The following APOO variants were observed in gnomAD, a reference collection of about 807,000 sequenced individuals.
APOO encodes the protein apolipoprotein O.
A neutral mutation model predicts 23.1 loss-of-function variants in APOO; 11 were observed. The ratio of observed to expected loss-of-function variants is 0.48; its 90% CI spans 0.30 to 0.79. The LOEUF (loss-of-function observed/expected upper bound fraction) is 0.79. Ranked by LOEUF, APOO falls within the 30% of genes least tolerant of loss-of-function variation. The pLI, the probability that APOO is intolerant of heterozygous loss-of-function variation, is 0.07. For missense variants in APOO, 160 were observed against 142.7 expected, an observed-to-expected ratio of 1.12 and a Z score of -0.62; for synonymous variants, 59 against 54.8, an observed-to-expected ratio of 1.08 and a Z score of -0.34.
chrX:23,852,974 A>C (rs1477435094), intron 7 of APOO, among the ~76,000 whole-genome samples: 1 of 109,717 alleles, frequency 9.1e-6, no homozygotes, highest in Non-Finnish European at 1.9e-5. Context: ...AAACAAAAAC[A>C]AGGCCGGGCG....
In APOO at chrX:23,889,810, A is replaced by C. The variant is rs5925959; in HGVS notation, c.10-8858T>G. ...CCTGGTAGCTGGGACTACAGGCACC[A>C]GCCACCACGCCTGGCTAATTTTTTG... On this transcript the variant is annotated intron_variant, in intron 1 of 8. Coordinates refer to ENST00000379226, the MANE Select transcript of APOO (RefSeq NM_024122.5). 1.1e-3 allele frequency among the ~76,000 whole-genome samples: 118 copies of C among 108,777 alleles called. 1 individual carries two copies. The highest frequency in any genetic ancestry group is 3.5e-3 in the East Asian group (12 of 3,421). The allele number at this position is 108,777 out of a possible 115,157, so 94.5% of individuals were successfully genotyped here. A position where few individuals can be genotyped will look rare whatever the true frequency, so the allele number is the denominator to read the frequency against.
intron 1 of APOO, among the ~76,000 whole-genome samples, chrX:23,892,675 G>A (rs983898188): frequency 2.8e-5 from 3 of 107,322 alleles, no homozygotes; most frequent in African/African-American, 1.0e-4. Flanking sequence ...GGCAGAGGCA[G>A]GAGAATGGCG....
chrX:23,907,824 G>T lies in APOO; in HGVS notation c.-122C>A. On this transcript the variant is annotated 5_prime_UTR_variant, in exon 1 of 9. Transcript: ENST00000379226. Reference sequence around the variant, plus strand: ...CCAACCGCAAGCAGGCAGCGGTGCGGGTGACGGCCGTACTGCAAACTCGGT... The same window carrying T: ...CCAACCGCAAGCAGGCAGCGGTGCGTGTGACGGCCGTACTGCAAACTCGGT... 1 of 819,719 alleles carries T rather than the reference G, an allele frequency of 1.2e-6. No individual in the cohort carries two copies. Among genetic ancestry groups the T allele is most frequent in the Non-Finnish European group, 1.7e-6 (1 of 598,223 alleles). 67.6% of individuals were successfully genotyped at this position (819,719 alleles called of 1,213,427 possible).
intron 7 of APOO, among the ~76,000 whole-genome samples, chrX:23,847,017 C>T (rs1227646594): frequency 9.1e-6 from 1 of 109,358 alleles, no homozygotes; most frequent in Non-Finnish European, 1.9e-5. Context: ...GGACAAATGA[C>T]CCATATAAAA....
rs6629759 is a variant in APOO, at chrX:23,891,507, G to A, written c.10-10555C>T. Among the ~76,000 whole-genome samples, 3,559 of 111,639 alleles carry A rather than the reference G, an allele frequency of 0.032. 357 individuals are homozygous for A. The East Asian group carries it at 0.48, about 15-fold the overall frequency. ...CTCCCAAAGTGCTGGGATTATAGGC[G>A]TGAGCCACCACACCTGGCCAAAATC... is the stretch of plus-strand genomic sequence containing the variant. On this transcript the variant is annotated intron_variant, in intron 1 of 8. Coordinates refer to ENST00000379226, the MANE Select transcript of APOO (RefSeq NM_024122.5).
chrX:23,853,780 C>G (rs1356147621), intron 7 of APOO, among the ~76,000 whole-genome samples: 1 of 109,666 alleles, frequency 9.1e-6, no homozygotes. Context: ...TGCATGCCAC[C>G]ACACCTGGTT....
At chrX:23,901,815 G>T (rs1318164714) in intron 1 of APOO, among the ~76,000 whole-genome samples, 4 of 112,178 alleles carry the variant, frequency 3.6e-5, no homozygotes, top group Non-Finnish European at 7.5e-5. Context: ...TCTCATCCTT[G>T]TTTTACAAAT....
chrX:23,869,201 G>A (rs915978078), intron 4 of APOO, among the ~76,000 whole-genome samples: 30 of 110,069 alleles, frequency 2.7e-4, no homozygotes, highest in Admixed American at 1.8e-3. Flanking sequence ...GAGCCACTGC[G>A]CCCGGCTGCA....
intron 2 of APOO, 40 bp downstream of exon 2, chrX:23,880,805 C>G (rs1372043831): frequency 1.1e-6 from 1 of 932,525 alleles, no homozygotes; most frequent in Admixed American, 3.3e-5. Context: ...GTAACTAAAT[C>G]AGACACTCAA....
intron 3 of APOO, 113 bp downstream of exon 3, chrX:23,878,802 A>G: frequency 1.0e-6 from 1 of 984,261 alleles, no homozygotes; most frequent in Non-Finnish European, 1.4e-6. Flanking sequence ...GCCTCTGTCA[A>G]CCATCTCAGG....
At chrX:23,848,844 C>G (rs377132513) in intron 7 of APOO, among the ~76,000 whole-genome samples, 1 of 101,455 alleles carries the variant, frequency 9.9e-6, no homozygotes, top group African/African-American at 3.6e-5. Context: ...TGCCACCATG[C>G]GCGGCTGATT....
rs1925747904 is a variant in APOO at position 23,874,306 on chromosome X, G to A, written c.292+97C>T. On this transcript the variant is annotated intron_variant, in intron 4 of 8. Coordinates refer to ENST00000379226, the MANE Select transcript of APOO (RefSeq NM_024122.5). ...CTAAAATTCTGCATATAATTTTAAGGAATACACAGATTTCTTGGAGCTCAT... is the reference window on the plus strand; with the variant it reads ...CTAAAATTCTGCATATAATTTTAAGAAATACACAGATTTCTTGGAGCTCAT... 3.1e-5 allele frequency: 23 copies of A among 748,273 alleles called. No homozygotes were observed. The South Asian group carries it at 5.4e-4, about 18-fold the overall frequency. The allele number at this position is 748,273 out of a possible 1,213,427, so 61.7% of individuals were successfully genotyped here.
intron 1 of APOO, among the ~76,000 whole-genome samples, chrX:23,902,480 T>C (rs757261646): frequency 1.3e-4 from 14 of 111,431 alleles, no homozygotes; most frequent in African/African-American, 3.3e-4. Flanking sequence ...AGCCCATAGT[T>C]GGACTAGGAT....
At chrX:23,869,856 G>A (rs756376233) in intron 4 of APOO, among the ~76,000 whole-genome samples, 1 of 107,090 alleles carries the variant, frequency 9.3e-6, no homozygotes, top group East Asian at 2.9e-4. Context: ...GGAGGCTGAG[G>A]CAGGAGAATC....
intron 2 of APOO, among the ~76,000 whole-genome samples, chrX:23,879,310 C>T (rs769389936): frequency 4.2e-4 from 47 of 111,445 alleles, no homozygotes; most frequent in African/African-American, 1.4e-3. Context: ...GCGGTAGGCG[C>T]CTGTAATCCC....
chrX:23,890,341 T>C (rs916754181), intron 1 of APOO, among the ~76,000 whole-genome samples: 5 of 111,774 alleles, frequency 4.5e-5, no homozygotes, highest in Admixed American at 9.6e-5. Context: ...CCAACTTCCA[T>C]TGACAAATTT....
At chrX:23,835,736 A>AATGAACC (rs1489223699) in intron 8 of APOO, among the ~76,000 whole-genome samples, 1 of 111,751 alleles carries the variant, frequency 8.9e-6, no homozygotes, top group Non-Finnish European at 1.9e-5. Context: ...AAAAAAAAAA[A>AATGAACC]ATGAACCTAA....
At chrX:23,863,072 G>A (rs747189533) in intron 5 of APOO, among the ~76,000 whole-genome samples, 1 of 112,219 alleles carries the variant, frequency 8.9e-6, no homozygotes, top group Non-Finnish European at 1.9e-5. Flanking sequence ...GGTGGCTCAT[G>A]CCTGTAATCC....
chrX:23,877,783 A>C (rs1351388884), intron 3 of APOO, among the ~76,000 whole-genome samples: 1 of 110,990 alleles, frequency 9.0e-6, no homozygotes, highest in Non-Finnish European at 1.9e-5. Context: ...CAAAAAAAAA[A>C]AAAAACAAAA....
Sources: allele counts gnomAD v4.1 joint callset (sites outside exome capture counted in the v4.1 genomes callset), GRCh38; gene constraint gnomAD v4.1.1; transcripts MANE v1.5; gene names NCBI Gene and HGNC (gene_info 2026-07-23, HGNC 2026-07-21).